RASGRP1: variants seen among roughly 807,000 people sequenced by gnomAD.
The protein encoded by RASGRP1 is RAS guanyl-releasing protein 1.
In RASGRP1, 37 loss-of-function variants were observed where a neutral mutation model predicts 95.1. The ratio of observed to expected loss-of-function variants is 0.39; its 90% CI spans 0.30 to 0.51. RASGRP1 has a LOEUF of 0.51. Ranked by LOEUF, RASGRP1 falls within the 20% of genes least tolerant of loss-of-function variation. The probability of loss-of-function intolerance (pLI) is 0.80; values close to 1 mark genes in which losing one functional copy is unlikely to be tolerated. For missense variants in RASGRP1, 711 were observed against 965.4 expected, an observed-to-expected ratio of 0.74 and a Z score of 3.49; for synonymous variants, 325 against 353.4, an observed-to-expected ratio of 0.92 and a Z score of 0.90.
intron 2 of RASGRP1, among the ~76,000 whole-genome samples, chr15:38,557,442 C>T (rs955322594): frequency 6.6e-6 from 1 of 152,188 alleles, no homozygotes; most frequent in Non-Finnish European, 1.5e-5. Flanking sequence ...TGACTTCCCG[C>T]AGCATTCCCT....
chr15:38,546,355 G>A (rs544227457), intron 2 of RASGRP1, among the ~76,000 whole-genome samples: 6 of 152,030 alleles, frequency 3.9e-5, no homozygotes, highest in Non-Finnish European at 8.8e-5. Flanking sequence ...GTATTCTGTT[G>A]CGGCTGGGGC....
chr15:38,501,436 C>A lies in RASGRP1; in HGVS notation c.1539-149G>T, dbSNP rs750614257. 3 of 889,552 alleles carry A rather than the reference C, an allele frequency of 3.4e-6. No homozygotes were observed. In the South Asian group the frequency reaches 4.2e-5, roughly 13 times the overall value. 55.1% of individuals were successfully genotyped at this position (889,552 alleles called of 1,614,324 possible). A position where few individuals can be genotyped will look rare whatever the true frequency, so the allele number is the denominator to read the frequency against. On this transcript the variant is annotated intron_variant, in intron 12 of 16. Coordinates refer to ENST00000310803, the MANE Select transcript of RASGRP1 (RefSeq NM_005739.4). ...TACCTCATGATTACTTCCATGGGCC[C>A]TACTCTTAACAAGGATACAAGATGA...
intron 8 of RASGRP1, among the ~76,000 whole-genome samples, chr15:38,511,395 G>C (rs746633367): frequency 4.6e-5 from 7 of 152,166 alleles, no homozygotes; most frequent in Non-Finnish European, 8.8e-5. Flanking sequence ...CAGTGACACT[G>C]TCTGAGGCCA....
intron 2 of RASGRP1, among the ~76,000 whole-genome samples, chr15:38,555,158 C>T (rs6495979): frequency 0.4 from 60,364 of 152,112 alleles, 13,879 homozygotes; most frequent in African/African-American, 0.63. Flanking sequence ...TGAAAAGAGA[C>T]GGAATGTTTT....
chr15:38,559,259 G>T (rs767306379), intron 2 of RASGRP1, among the ~76,000 whole-genome samples: 9 of 152,184 alleles, frequency 5.9e-5, no homozygotes, highest in Non-Finnish European at 1.2e-4. Flanking sequence ...AGAGTGCAGC[G>T]TCTGAAATGT....
chr15:38,521,961 T>C (rs1260249895), intron 3 of RASGRP1, among the ~76,000 whole-genome samples: 3 of 152,094 alleles, frequency 2.0e-5, no homozygotes, highest in African/African-American at 7.2e-5. Context: ...TTTCATACTC[T>C]CAGAATCCCT....
At chr15:38,539,775 T>C (rs901315451) in intron 2 of RASGRP1, among the ~76,000 whole-genome samples, 1 of 151,978 alleles carries the variant, frequency 6.6e-6, no homozygotes, top group Non-Finnish European at 1.5e-5. Flanking sequence ...CCTGTGTCCA[T>C]GTGTTCTCAT....
intron 2 of RASGRP1, among the ~76,000 whole-genome samples, chr15:38,557,535 A>T (rs1382296814): frequency 6.6e-6 from 1 of 151,750 alleles, no homozygotes; most frequent in African/African-American, 2.4e-5. Context: ...CTCAAACTCT[A>T]CATGGTATAA....
At chr15:38,545,066 A>G (rs1208222964) in intron 2 of RASGRP1, among the ~76,000 whole-genome samples, 1 of 152,126 alleles carries the variant, frequency 6.6e-6, no homozygotes, top group African/African-American at 2.4e-5. Context: ...TTTACCCTTT[A>G]TATGTCCCAC....
At chr15:38,558,323 TAGAA>T (rs1381292120) in intron 2 of RASGRP1, among the ~76,000 whole-genome samples, 3 of 152,194 alleles carry the variant, frequency 2.0e-5, no homozygotes, top group Admixed American at 1.3e-4. Context: ...TATTTTGAAA[TAGAA>T]AGCCATTCAT....
chr15:38,517,882 A>G (rs1022087742), intron 5 of RASGRP1, among the ~76,000 whole-genome samples: 2 of 152,190 alleles, frequency 1.3e-5, no homozygotes, highest in Admixed American at 1.3e-4. Flanking sequence ...ACATCCATAT[A>G]TGTTATAAGC....
intron 3 of RASGRP1, among the ~76,000 whole-genome samples, chr15:38,520,166 A>G (rs1474865331): frequency 6.6e-6 from 1 of 152,200 alleles, no homozygotes; most frequent in Non-Finnish European, 1.5e-5. Flanking sequence ...AGGTCCTGCC[A>G]TTTCCCATCA....
At chr15:38,548,820 T>C (rs1893210510) in intron 2 of RASGRP1, among the ~76,000 whole-genome samples, 1 of 152,192 alleles carries the variant, frequency 6.6e-6, no homozygotes, top group Non-Finnish European at 1.5e-5. Context: ...CATTTCTCCT[T>C]GCAATTTTGA....
chr15:38,508,032 C>T, intron 8 of RASGRP1, 31 bp from the exon 9 acceptor site: 1 of 1,572,810 alleles, frequency 6.4e-7, no homozygotes, highest in Non-Finnish European at 8.6e-7. Context: ...ATCACAGGTA[C>T]CCGCTAGGCA....
rs1419527555 is a variant in RASGRP1 at position 38,494,760 on chromosome 15, C to T, written c.1881G>A (p.Glu627=). Residue 627 remains glutamate, a synonymous_variant, in exon 16 of 17, where the codon GAG becomes GAA. Transcript: ENST00000310803. ...CATTAGGGAATGTAAAAGGTCCTTC[C>T]TCAGGTGCTGTAGGAAGATACAGGA... ...LGAKDLLHAP[E]EGPFTFPNGE... is the part of the protein sequence containing the mutation. 7 of 1,496,502 alleles carry T rather than the reference C, an allele frequency of 4.7e-6. No homozygotes were observed. The highest frequency in any genetic ancestry group is 1.4e-5 in the African/African-American group (1 of 71,476). 92.7% of individuals were successfully genotyped at this position (1,496,502 alleles called of 1,614,324 possible).
intron 2 of RASGRP1, among the ~76,000 whole-genome samples, chr15:38,543,610 G>T (rs1190294752): frequency 3.5e-5 from 2 of 57,640 alleles, no homozygotes; most frequent in African/African-American, 7.0e-5. Context: ...ATATTGACCT[G>T]TCATTGACTT....
chr15:38,506,635 CAAAAAAAAA>C (rs370153317), intron 9 of RASGRP1, among the ~76,000 whole-genome samples: 1 of 71,620 alleles, frequency 1.4e-5, no homozygotes, highest in Admixed American at 1.8e-4. Context: ...ACCTTGTCTC[CAAAAAAAAA>C]AAAAAAAAAA....
chr15:38,498,975 G>GTCTTTCACTTTTCTC, intron 14 of RASGRP1, 29 bp from the exon 15 acceptor site: 1 of 1,613,822 alleles, frequency 6.2e-7, no homozygotes, highest in African/African-American at 1.3e-5. Context: ...GGGTCAAGAA[G>GTCTTTCACTTTTCTC]TCTTTCACTT....
intron 2 of RASGRP1, among the ~76,000 whole-genome samples, chr15:38,541,517 G>A (rs1892858896): frequency 6.6e-6 from 1 of 152,186 alleles, no homozygotes; most frequent in Non-Finnish European, 1.5e-5. Flanking sequence ...ATTTGAGCCA[G>A]GGAAGTGGAG....
Sources: gnomAD v4.1 joint callset for allele counts (sites outside exome capture counted in the v4.1 genomes callset) on GRCh38, gnomAD v4.1.1 for gene constraint, MANE v1.5 for transcripts, NCBI Gene and HGNC (gene_info 2026-07-23, HGNC 2026-07-21) for gene names.